Variants in KCNH5 observed in about 807,000 individuals in gnomAD.
KCNH5 encodes voltage-gated delayed rectifier potassium channel KCNH5.
KCNH5 carries 46 observed loss-of-function variants against 96.1 expected under a neutral mutation model. That is an observed-to-expected ratio of 0.48 (90% confidence interval 0.38 to 0.61). KCNH5 has a LOEUF of 0.61. KCNH5 is among the 20% of genes least tolerant of loss of function. KCNH5 has a pLI of 0.00. For synonymous variants in KCNH5, 439 were observed against 449.8 expected (o/e 0.98, Z 0.30); for missense variants, 907 against 1,225.8 (o/e 0.74, Z 3.88).
At position 62,837,568 on chromosome 14, in the gene KCNH5, C is replaced by G. The variant is rs565117583; in HGVS notation, c.1569+12085G>C. 4.6e-5 allele frequency among the ~76,000 whole-genome samples: 7 copies of G among 152,184 alleles called. No individual in the cohort carries two copies. The South Asian group carries it at 1.2e-3, about 27-fold the overall frequency. On this transcript the variant is annotated intron_variant, in intron 8 of 10. Transcript: ENST00000322893. ...ATAAGCCATCATTAAATCAAAATTT[C>G]TCTAACAGAAAACTTAAATGATGAT...
rs143123435 is a variant in KCNH5 at position 62,882,100 on chromosome 14, TA to T, written c.1370-32249del. On this transcript the variant is annotated intron_variant, in intron 7 of 10. Transcript: ENST00000322893. ...GCTAACATAGAGAAACCCCATTTCT[TA>T]AAAAAAAAAAAAAAAAAAAAAAAAA... 1.0e-3 allele frequency among the ~76,000 whole-genome samples: 80 copies of T among 76,656 alleles called. 1 individual carries two copies. Among genetic ancestry groups the T allele is most frequent in the Admixed American group, 2.5e-3 (14 of 5,690 alleles). 50.3% of individuals were successfully genotyped at this position (76,656 alleles called of 152,430 possible). A position where few individuals can be genotyped will look rare whatever the true frequency, so the allele number is the denominator to read the frequency against.
Position 62,789,382 on chromosome 14 carries a change from A to C in KCNH5, c.1823-9458T>G, listed in dbSNP as rs570645569. On this transcript the variant is annotated intron_variant, in intron 9 of 10. Coordinates refer to ENST00000322893, the MANE Select transcript of KCNH5 (RefSeq NM_139318.5). The stretch of plus-strand genomic sequence containing the variant: ...TCTTGCCTATTGTGAACAATACTGC[A>C]ATAAACATGGGGGTGCAGATATCTC... Among the ~76,000 whole-genome samples the C allele has an allele frequency of 1.6e-4, 24 of 152,210 alleles. 1 individual carries two copies. Among genetic ancestry groups the C allele is most frequent in the African/African-American group, 5.8e-4 (24 of 41,576 alleles).
intron 10 of KCNH5, among the ~76,000 whole-genome samples, chr14:62,718,930 T>G (rs970488395): frequency 6.6e-6 from 1 of 152,198 alleles, no homozygotes; most frequent in African/African-American, 2.4e-5. Flanking sequence ...GAAAACATCA[T>G]GCTAAGTGAG....
At chr14:62,808,011 T>C (rs1263540992) in intron 8 of KCNH5, among the ~76,000 whole-genome samples, 1 of 152,166 alleles carries the variant, frequency 6.6e-6, no homozygotes, top group Non-Finnish European at 1.5e-5. Flanking sequence ...GGTTCTTATC[T>C]GCACTTCTGC....
At chr14:62,730,378 T>C (rs1885023863) in intron 10 of KCNH5, among the ~76,000 whole-genome samples, 1 of 152,214 alleles carries the variant, frequency 6.6e-6, no homozygotes, top group East Asian at 1.9e-4. Flanking sequence ...CCTTAGAAAG[T>C]AGAGATTTCT....
At chr14:62,714,735 A>G (rs879532879) in intron 10 of KCNH5, among the ~76,000 whole-genome samples, 8 of 152,168 alleles carry the variant, frequency 5.3e-5, no homozygotes, top group Non-Finnish European at 1.0e-4. Context: ...ATATATCCTT[A>G]CTTATCAATG....
intron 5 of KCNH5, among the ~76,000 whole-genome samples, chr14:62,984,936 G>T (rs946611551): frequency 1.3e-5 from 2 of 152,060 alleles, no homozygotes; most frequent in African/African-American, 2.4e-5. Context: ...ACTTGTTGTC[G>T]CTCTGTTGTG....
At chr14:62,967,623 G>A (rs191735240) in intron 6 of KCNH5, among the ~76,000 whole-genome samples, 17 of 152,194 alleles carry the variant, frequency 1.1e-4, no homozygotes, top group Admixed American at 9.8e-4. Context: ...AGGGACATTA[G>A]GGAATAAAAT....
intron 9 of KCNH5, among the ~76,000 whole-genome samples, chr14:62,787,269 T>G (rs1886338457): frequency 6.6e-6 from 1 of 152,136 alleles, no homozygotes; most frequent in Admixed American, 6.5e-5. Flanking sequence ...GTGGCCTGGA[T>G]AGAAGATCAA....
chr14:62,855,788 G>C (rs1038808448), intron 7 of KCNH5, among the ~76,000 whole-genome samples: 1 of 152,050 alleles, frequency 6.6e-6, no homozygotes, highest in South Asian at 2.1e-4. Flanking sequence ...TTATCAAAAA[G>C]AGACAGGTCA....
chr14:62,927,615 G>C lies in KCNH5; in HGVS notation c.1369+22518C>G, dbSNP rs543801332. Among the ~76,000 whole-genome samples the C allele has an allele frequency of 1.3e-3, 204 of 152,220 alleles. 5 individuals are homozygous for C. In the South Asian group the frequency reaches 0.041, roughly 30 times the overall value. ...AGAAATCTTGAGGACACTATGCTAA[G>C]TGAAATAATTCAGTCACAAAAATAC... On this transcript the variant is annotated intron_variant, in intron 7 of 10. Coordinates refer to ENST00000322893, the MANE Select transcript of KCNH5 (RefSeq NM_139318.5).
intron 10 of KCNH5, among the ~76,000 whole-genome samples, chr14:62,754,116 TAG>T (rs1885564563): frequency 6.6e-6 from 1 of 152,164 alleles, no homozygotes; most frequent in Non-Finnish European, 1.5e-5. Flanking sequence ...AGTTAAAATA[TAG>T]AGTTTTTATT....
At chr14:63,036,283 C>T (rs562163767) in intron 1 of KCNH5, among the ~76,000 whole-genome samples, 1 of 152,248 alleles carries the variant, frequency 6.6e-6, no homozygotes, top group Non-Finnish European at 1.5e-5. Context: ...CAGTTATGAA[C>T]ATGCTTCATG....
intron 10 of KCNH5, among the ~76,000 whole-genome samples, chr14:62,748,365 A>G (rs189192402): frequency 6.6e-6 from 1 of 152,360 alleles, no homozygotes; most frequent in African/African-American, 2.4e-5. Context: ...TTTCTTCTTC[A>G]GATATCGGGA....
intron 10 of KCNH5, among the ~76,000 whole-genome samples, chr14:62,720,628 A>G (rs1884789665): frequency 6.6e-6 from 1 of 152,144 alleles, no homozygotes; most frequent in South Asian, 2.1e-4. Context: ...GTGAGATATT[A>G]TGTTAACTTA....
rs1434555564 is a variant in KCNH5, at chr14:62,705,092, T to C, written c.*2416A>G. On this transcript the variant is annotated 3_prime_UTR_variant, in exon 11 of 11. Transcript: ENST00000322893. ...ATACTTTCCCTCCTTCCTAACAATC[T>C]GGAGTAATTCAAAACCATTATGTTT... is the stretch of plus-strand genomic sequence containing the variant. 6.6e-6 allele frequency: 1 copy of C among 151,974 alleles called. No individual in the cohort carries two copies. The highest frequency in any genetic ancestry group is 1.5e-5 in the Non-Finnish European group (1 of 67,872). The allele number at this position is 151,974 out of a possible 1,614,324, so 9.4% of individuals were successfully genotyped here. A position where few individuals can be genotyped will look rare whatever the true frequency, so the allele number is the denominator to read the frequency against.
At chr14:62,993,904 A>G (rs1020731040) in intron 4 of KCNH5, among the ~76,000 whole-genome samples, 1 of 152,060 alleles carries the variant, frequency 6.6e-6, no homozygotes, top group Non-Finnish European at 1.5e-5. Context: ...TGAAGAGCCT[A>G]ATACTTGCTC....
At chr14:62,802,705 G>C in intron 8 of KCNH5, 124 bp from the exon 9 acceptor site, 1 of 1,202,940 alleles carries the variant, frequency 8.3e-7, no homozygotes, top group South Asian at 1.6e-5. Flanking sequence ...CACCTTGCTG[G>C]GTACTGGGAA....
intron 6 of KCNH5, among the ~76,000 whole-genome samples, chr14:62,951,949 C>T (rs1345520887): frequency 1.8e-5 from 2 of 111,766 alleles, no homozygotes; most frequent in Non-Finnish European, 3.3e-5. Flanking sequence ...GGTAACAGAG[C>T]GAGACTCCGT....
Sources: allele counts gnomAD v4.1 joint callset (sites outside exome capture counted in the v4.1 genomes callset), GRCh38; gene constraint gnomAD v4.1.1; transcripts MANE v1.5; gene names NCBI Gene and HGNC (gene_info 2026-07-23, HGNC 2026-07-21).